The following PLOD1 variants were observed in gnomAD, a reference collection of about 807,000 sequenced individuals.
The protein encoded by PLOD1 is lysine hydroxylase.
PLOD1 carries 70 observed loss-of-function variants against 94.7 expected under a neutral mutation model. That is an observed-to-expected ratio of 0.74 (90% confidence interval 0.61 to 0.90). The LOEUF (loss-of-function observed/expected upper bound fraction) is 0.90. Among genes scored for constraint, PLOD1 ranks in the 40% least tolerant of loss-of-function variants. PLOD1 has a pLI of 0.00. For synonymous variants in PLOD1, 417 were observed against 400.2 expected, an observed-to-expected ratio of 1.04 and a Z score of -0.50; for missense variants, 905 against 972.7, an observed-to-expected ratio of 0.93 and a Z score of 0.93.
Position 11,975,200 on chromosome 1 carries a change from C to T in PLOD1, c.*392C>T. 3.1e-6 allele frequency: 1 copy of T among 319,914 alleles called. No individual in the cohort carries two copies. Among genetic ancestry groups the T allele is most frequent in the South Asian group, 2.9e-5 (1 of 34,800 alleles). 19.8% of individuals were successfully genotyped at this position (319,914 alleles called of 1,614,324 possible). On this transcript the variant is annotated 3_prime_UTR_variant, in exon 19 of 19. Coordinates refer to ENST00000196061, the MANE Select transcript of PLOD1 (RefSeq NM_000302.4). The stretch of plus-strand genomic sequence containing the variant: ...GACTGTCTGGGTGAGAAGCCATGGC[C>T]AGAGCTTCTCCCAGGCACAGGTGTT...
chr1:11,938,034 C>T (rs528288458), intron 1 of PLOD1, among the ~76,000 whole-genome samples: 278 of 151,614 alleles, frequency 1.8e-3, no homozygotes, highest in African/African-American at 6.7e-3. Flanking sequence ...CGCACTGCAG[C>T]CTCCACCTCC....
intron 1 of PLOD1, chr1:11,944,410 C>T (rs1354643137): frequency 7.7e-6 from 4 of 517,102 alleles, no homozygotes; most frequent in African/African-American, 2.2e-5. Context: ...TCCTGAATTG[C>T]GCATGCACGC....
chr1:11,974,201 GTT>G (rs370053867), intron 18 of PLOD1, among the ~76,000 whole-genome samples: 1 of 143,710 alleles, frequency 7.0e-6, no homozygotes. Flanking sequence ...TACTCTTTGG[GTT>G]TTTTTTTTTT....
intron 1 of PLOD1, among the ~76,000 whole-genome samples, chr1:11,939,467 G>A (rs1372974244): frequency 2.0e-5 from 3 of 152,242 alleles, no homozygotes; most frequent in South Asian, 4.1e-4. Context: ...GACCACCCAC[G>A]CCTTGGGCTG....
At chr1:11,964,327 T>TGGGGGG in intron 12 of PLOD1, 27 bp downstream of exon 12, 3 of 546,352 alleles carry the variant, frequency 5.5e-6, no homozygotes, top group East Asian at 4.8e-5. Flanking sequence ...TGGGGGTGGG[T>TGGGGGG]GGGGGACACC....
intron 4 of PLOD1, among the ~76,000 whole-genome samples, chr1:11,951,088 C>T (rs1385976110): frequency 1.3e-5 from 2 of 152,020 alleles, no homozygotes; most frequent in Non-Finnish European, 2.9e-5. Flanking sequence ...GTCACCACAC[C>T]TGGCCACCTG....
chr1:11,959,445 C>CTTT (rs147497113), intron 9 of PLOD1, among the ~76,000 whole-genome samples: 2 of 136,186 alleles, frequency 1.5e-5, no homozygotes, highest in Non-Finnish European at 3.1e-5. Context: ...GTTTTCTTTT[C>CTTT]TTTTTTTTTT....
Position 11,950,404 on chromosome 1 carries a change from T to TC in PLOD1, c.352dup (p.Arg118ProfsTer12). On this transcript the variant is annotated frameshift_variant, in exon 4 of 19. Transcript: ENST00000196061. LOFTEE classifies it high-confidence loss of function. ...GGGCCCCGGGAGCTCCTGAAGAAGT[T>TC]CCGGCAGGCCAGGAGCCAGGTGGTC... The TC allele has an allele frequency of 6.2e-7, 1 of 1,614,116 alleles. No individual in the cohort carries two copies. Among genetic ancestry groups the TC allele is most frequent in the East Asian group, 2.2e-5 (1 of 44,880 alleles).
intron 1 of PLOD1, among the ~76,000 whole-genome samples, chr1:11,945,510 AGGTCCCTTGCAT>A (rs1393555603): frequency 5.3e-5 from 8 of 151,450 alleles, no homozygotes; most frequent in South Asian, 4.2e-4. Flanking sequence ...CTTGCATGGG[AGGTCCCTTGCAT>A]GGTCCCTTGC....
At chr1:11,938,821 A>T (rs1406124084) in intron 1 of PLOD1, among the ~76,000 whole-genome samples, 1 of 151,926 alleles carries the variant, frequency 6.6e-6, no homozygotes, top group Non-Finnish European at 1.5e-5. Flanking sequence ...TCCCAATGAG[A>T]GGGGGGTACA....
chr1:11,968,674 C>T (rs1164343575), intron 16 of PLOD1, among the ~76,000 whole-genome samples: 3 of 148,780 alleles, frequency 2.0e-5, no homozygotes, highest in Non-Finnish European at 3.0e-5. Flanking sequence ...CCACCATGCC[C>T]GACTAATTTT....
In PLOD1 at chr1:11,964,240, G is replaced by A; in HGVS notation, c.1268G>A (p.Ser423Asn). Reference sequence around the variant, plus strand: ...TGGTCGAACTTCTGGGGGGCTCTCAGTGCAGATGGCTACTATGCCCGTTCC... The same window carrying A: ...TGGTCGAACTTCTGGGGGGCTCTCAATGCAGATGGCTACTATGCCCGTTCC... Reference protein sequence around the residue: ...RLWSNFWGALSADGYYARSED... With the variant: ...RLWSNFWGALNADGYYARSED... Residue 423 changes from serine to asparagine, a missense_variant, in exon 12 of 19, where the codon AGT (serine) becomes AAT (asparagine). Coordinates refer to ENST00000196061, the MANE Select transcript of PLOD1 (RefSeq NM_000302.4). 1 of 1,611,674 alleles carries A rather than the reference G, an allele frequency of 6.2e-7. No individual in the cohort carries two copies. The highest frequency in any genetic ancestry group is 8.5e-7 in the Non-Finnish European group (1 of 1,178,782).
At chr1:11,970,007 G>A (rs1281188256) in intron 16 of PLOD1, among the ~76,000 whole-genome samples, 3 of 151,748 alleles carry the variant, frequency 2.0e-5, no homozygotes, top group Middle Eastern at 3.4e-3. Context: ...TTGGGAGGCC[G>A]AGGTGGGCAG....
At chr1:11,961,798 A>T (rs1645779394) in intron 10 of PLOD1, among the ~76,000 whole-genome samples, 1 of 151,876 alleles carries the variant, frequency 6.6e-6, no homozygotes, top group African/African-American at 2.4e-5. Flanking sequence ...TTATTTATTT[A>T]TTTATTTAGA....
chr1:11,963,518 C>T lies in PLOD1; in HGVS notation c.1098-14C>T. 2 of 1,559,978 alleles carry T rather than the reference C, an allele frequency of 1.3e-6. No individual in the cohort carries two copies. Among genetic ancestry groups the T allele is most frequent in the Non-Finnish European group, 1.7e-6 (2 of 1,143,392 alleles). On this transcript the variant is annotated splice_polypyrimidine_tract_variant and intron_variant, in intron 10 of 18. Coordinates refer to ENST00000196061, the MANE Select transcript of PLOD1 (RefSeq NM_000302.4). The surrounding 1 kb of genome is among the most constrained non-coding windows in gnomAD (Gnocchi z 4.3). ...AGGATCAGGTGCACTGACCCTGTGT[C>T]CTCCTCCTTGCAGAGACCTGTGCCG...
intron 5 of PLOD1, chr1:11,954,310 C>CAAAA (rs754503001): frequency 3.4e-4 from 55 of 161,586 alleles, no homozygotes; most frequent in East Asian, 9.7e-4. Flanking sequence ...CCATCTCTAG[C>CAAAA]AAAAAAAAAA....
At position 11,958,371 on chromosome 1, in the gene PLOD1, A is replaced by G; in HGVS notation, c.844-145A>G. The stretch of plus-strand genomic sequence containing the variant: ...CTTCCCTGCCCCCCCGTACCCCCTG[A>G]CTGGAGTTCCCCGGCCCGGGCACCT... On this transcript the variant is annotated intron_variant, in intron 8 of 18. Coordinates refer to ENST00000196061, the MANE Select transcript of PLOD1 (RefSeq NM_000302.4). This position sits in a 1 kb window ranked among gnomAD's most constrained non-coding sequence, Gnocchi z 4.3. The G allele has an allele frequency of 4.2e-6, 3 of 717,030 alleles. No individual in the cohort carries two copies. Among genetic ancestry groups the G allele is most frequent in the Non-Finnish European group, 4.7e-6 (2 of 429,596 alleles). 44.4% of individuals were successfully genotyped at this position (717,030 alleles called of 1,614,324 possible). A position where few individuals can be genotyped will look rare whatever the true frequency, so the allele number is the denominator to read the frequency against.
At chr1:11,948,418 C>T (rs978597100) in intron 2 of PLOD1, among the ~76,000 whole-genome samples, 3 of 152,106 alleles carry the variant, frequency 2.0e-5, no homozygotes, top group South Asian at 2.1e-4. Flanking sequence ...GACATCTTCC[C>T]GGTATTATAA....
chr1:11,964,327 T>TGTGCCCGGGGGGGGGGGGGGGGGGG, intron 12 of PLOD1, 27 bp downstream of exon 12: 1 of 546,358 alleles, frequency 1.8e-6, no homozygotes, highest in Non-Finnish European at 3.2e-6. Context: ...TGGGGGTGGG[T>TGTGCCCGGGGGGGGGGGGGGGGGGG]GGGGGACACC....
Sources: allele counts gnomAD v4.1 joint callset (sites outside exome capture counted in the v4.1 genomes callset), GRCh38; gene constraint gnomAD v4.1.1; non-coding constraint Gnocchi (gnomAD v3.1); transcripts MANE v1.5; gene names NCBI Gene and HGNC (gene_info 2026-07-23, HGNC 2026-07-21).